The following NOP14 variants were observed in gnomAD, a reference collection of about 807,000 sequenced individuals.
NOP14 encodes NOP14 nucleolar protein, also known as nucleolar protein 14.
A neutral mutation model predicts 101.6 loss-of-function variants in NOP14; 57 were observed. The ratio of observed to expected loss-of-function variants is 0.56; its 90% CI spans 0.45 to 0.70. The LOEUF (loss-of-function observed/expected upper bound fraction) is 0.70. Ranked by LOEUF, NOP14 falls within the 30% of genes least tolerant of loss-of-function variation. NOP14 has a pLI of 0.00. For missense variants in NOP14, 1,134 were observed against 1,075.5 expected (o/e 1.05, Z -0.76); for synonymous variants, 428 against 424.0 (o/e 1.01, Z -0.12).
intron 17 of NOP14, 109 bp downstream of exon 17, chr4:2,939,079 G>C (rs1261938564): frequency 1.9e-6 from 3 of 1,543,054 alleles, no homozygotes; most frequent in African/African-American, 2.7e-5. Context: ...CCAACCCCCA[G>C]CCAGAGCCAA....
At chr4:2,953,408 A>G (rs1715152789) in intron 5 of NOP14, 103 bp downstream of exon 5, 2 of 1,285,442 alleles carry the variant, frequency 1.6e-6, no homozygotes, top group African/African-American at 1.5e-5. Flanking sequence ...CTTGCCCTAA[A>G]GGAGACAGGT....
chr4:2,948,334 T>C lies in NOP14; in HGVS notation c.1357A>G (p.Arg453Gly). The change falls in exon 9 of 18, where the codon AGA becomes GGA. Residue 453 changes from arginine (R) to glycine (G), a missense_variant. Physicochemically the swap from Arg to Gly is moderately radical, Grantham distance 125. Transcript: ENST00000416614. ...CTCGGGTGGTTGCACTTCTGAATTC[T>C]CTCCACCACCAAAAGCTGCTCTTCC... ...SMEEQLLVVERIQKCNHPSLA... is the reference protein window; with the variant it reads ...SMEEQLLVVEGIQKCNHPSLA... 4 of 1,612,046 alleles carry C rather than the reference T, an allele frequency of 2.5e-6. No homozygotes were observed. Among genetic ancestry groups the C allele is most frequent in the Non-Finnish European group, 3.4e-6 (4 of 1,179,542 alleles).
At chr4:2,948,546 C>T (rs1714813842) in intron 8 of NOP14, 138 bp from the exon 9 acceptor site, 2 of 594,656 alleles carry the variant, frequency 3.4e-6, no homozygotes, top group Non-Finnish European at 5.0e-6. Context: ...CTTCCGCCTC[C>T]TGGGTTCAAG....
At chr4:2,959,524 T>C (rs562349754) in intron 1 of NOP14, among the ~76,000 whole-genome samples, 90 of 152,010 alleles carry the variant, frequency 5.9e-4, no homozygotes, top group South Asian at 4.6e-3. Flanking sequence ...ACCCGGGAAG[T>C]GGAGCTTGCA....
chr4:2,950,086 T>A lies in NOP14; in HGVS notation c.1130A>T (p.Asp377Val), dbSNP rs775973549. 291 of 1,614,034 alleles carry A rather than the reference T, an allele frequency of 1.8e-4. No homozygotes were observed. Among genetic ancestry groups the A allele is most frequent in the Non-Finnish European group, 2.4e-4 (281 of 1,180,014 alleles). The change falls in exon 8 of 18, where the codon GAT (aspartate) becomes GTT (valine). Residue 377 changes from aspartate (D) to valine (V), a missense_variant. Asp to Val is a radical substitution (Grantham distance 152). Coordinates refer to ENST00000416614, the MANE Select transcript of NOP14 (RefSeq NM_001291978.2). ...GEDTEESDSP[D>V]SHLDLESNVE... Reference sequence around the variant, plus strand: ...GTTGGATTCCAGGTCCAAGTGGCTATCTGGGCTGTCGCTCTCCTCTGTGTC... The same window carrying A: ...GTTGGATTCCAGGTCCAAGTGGCTAACTGGGCTGTCGCTCTCCTCTGTGTC...
intron 3 of NOP14, among the ~76,000 whole-genome samples, chr4:2,955,478 G>A (rs866749530): frequency 1.5e-5 from 2 of 129,998 alleles, no homozygotes; most frequent in Non-Finnish European, 1.6e-5. Flanking sequence ...TCACCTGCAC[G>A]CCACGGCGCC....
In NOP14 at chr4:2,939,442, C is replaced by T. The variant is rs1469491815; in HGVS notation, c.2318+85G>A. The T allele has an allele frequency of 2.5e-6, 4 of 1,596,540 alleles. No individual in the cohort carries two copies. The African/African-American group carries it at 5.4e-5, about 21-fold the overall frequency. On this transcript the variant is annotated intron_variant, in intron 16 of 17. Coordinates refer to ENST00000416614, the MANE Select transcript of NOP14 (RefSeq NM_001291978.2). The stretch of plus-strand genomic sequence containing the variant: ...TGGCTTCACTCCGTAGTCATCTGCT[C>T]AACTGCAGAACTGGCAGACGCCCCC...
In NOP14 at chr4:2,962,661, T is replaced by TAA. The variant is rs79391581; in HGVS notation, c.195+462_195+463dup. 2.7e-5 allele frequency among the ~76,000 whole-genome samples: 4 copies of TAA among 147,750 alleles called. No individual in the cohort carries two copies. The East Asian group carries it at 7.9e-4, about 29-fold the overall frequency. On this transcript the variant is annotated intron_variant, in intron 1 of 17. Coordinates refer to ENST00000416614, the MANE Select transcript of NOP14 (RefSeq NM_001291978.2). The stretch of plus-strand genomic sequence containing the variant: ...TAATGTATGTTCCTCAGTGAAAATT[T>TAA]AAAAAAAAAAAAGTTAAAAAAACTA...
chr4:2,947,182 G>T (rs1175958967), intron 10 of NOP14: 3 of 338,548 alleles, frequency 8.9e-6, no homozygotes, highest in Non-Finnish European at 1.6e-5. Flanking sequence ...GAGGGGCGGG[G>T]TGTCTACCGT....
rs565744290 is a variant in NOP14, at chr4:2,944,264, G to A, written c.1738-38C>T. On this transcript the variant is annotated intron_variant, in intron 12 of 17. Transcript: ENST00000416614. ...ATATGGGGGGTTACTGTCCTGGGACGATGTCATGCCATGCTAGGCCGACCA... is the reference window on the plus strand; with the variant it reads ...ATATGGGGGGTTACTGTCCTGGGACAATGTCATGCCATGCTAGGCCGACCA... The A allele has an allele frequency of 1.4e-5, 22 of 1,591,520 alleles. No homozygotes were observed. In the African/African-American group the frequency reaches 2.6e-4, roughly 19 times the overall value.
At position 2,960,883 on chromosome 4, in the gene NOP14, ATTATAT is replaced by A. The variant is rs1288164578; in HGVS notation, c.195+2236_195+2241del. Reference sequence around the variant, plus strand: ...ATATTAATATTATAATTACATTATTATTATATTATTATATCAATATTATATTAATAT... The same window carrying A: ...ATATTAATATTATAATTACATTATTATATTATATCAATATTATATTAATAT... On this transcript the variant is annotated intron_variant, in intron 1 of 17. Coordinates refer to ENST00000416614, the MANE Select transcript of NOP14 (RefSeq NM_001291978.2). Among the ~76,000 whole-genome samples the A allele has an allele frequency of 2.1e-4, 24 of 112,534 alleles. 1 individual carries two copies. Among genetic ancestry groups the A allele is most frequent in the Admixed American group, 4.9e-4 (5 of 10,164 alleles). 73.8% of individuals were successfully genotyped at this position (112,534 alleles called of 152,430 possible).
chr4:2,938,813 T>C lies in NOP14; in HGVS notation c.*18A>G. On this transcript the variant is annotated 3_prime_UTR_variant, in exon 18 of 18. Coordinates refer to ENST00000416614, the MANE Select transcript of NOP14 (RefSeq NM_001291978.2). ...GTGAGGTAATGTCCAGTTCCTTGCC[T>C]TATTTATAAAATGTAATTTATTTTT... is the stretch of plus-strand genomic sequence containing the variant. 1.3e-6 allele frequency: 2 copies of C among 1,598,664 alleles called. No individual in the cohort carries two copies. Among genetic ancestry groups the C allele is most frequent in the South Asian group, 2.2e-5 (2 of 90,612 alleles).
chr4:2,951,761 T>G (rs1468997986), intron 6 of NOP14, among the ~76,000 whole-genome samples: 2 of 151,988 alleles, frequency 1.3e-5, no homozygotes, highest in Non-Finnish European at 2.9e-5. Flanking sequence ...ACCAGGAGTT[T>G]GAGAACAGCC....
intron 14 of NOP14, 156 bp from the exon 15 acceptor site, chr4:2,941,885 CA>C: frequency 1.2e-6 from 1 of 853,036 alleles, no homozygotes; most frequent in Non-Finnish European, 1.8e-6. Flanking sequence ...CAACCACGGG[CA>C]AGGCAGGCTC....
chr4:2,959,360 A>C (rs563156899), intron 1 of NOP14, among the ~76,000 whole-genome samples: 1 of 152,200 alleles, frequency 6.6e-6, no homozygotes, highest in Non-Finnish European at 1.5e-5. Context: ...TGGGAGGCCA[A>C]GGCGGGCGGA....
chr4:2,953,040 A>C (rs1050215769), intron 5 of NOP14, among the ~76,000 whole-genome samples: 3 of 152,280 alleles, frequency 2.0e-5, no homozygotes, highest in African/African-American at 7.2e-5. Context: ...AAAGATGCAC[A>C]GATGACCACA....
Position 2,939,362 on chromosome 4 carries a change from T to C in NOP14, c.2319-19A>G, listed in dbSNP as rs765302219. ...CTCGAGGCTACAACCAGAAAGCCACTGTTAAGGAAGCAAGAGTCTGTCCCC... is the reference window on the plus strand; with the variant it reads ...CTCGAGGCTACAACCAGAAAGCCACCGTTAAGGAAGCAAGAGTCTGTCCCC... On this transcript the variant is annotated intron_variant, in intron 16 of 17. Coordinates refer to ENST00000416614, the MANE Select transcript of NOP14 (RefSeq NM_001291978.2). The C allele has an allele frequency of 2.5e-6, 4 of 1,613,972 alleles. No homozygotes were observed. The highest frequency in any genetic ancestry group is 1.7e-5 in the Admixed American group (1 of 60,018).
At chr4:2,958,734 C>G (rs544274622) in intron 1 of NOP14, among the ~76,000 whole-genome samples, 52 of 152,284 alleles carry the variant, frequency 3.4e-4, no homozygotes, top group African/African-American at 1.3e-3. Flanking sequence ...CGTGTGGTGA[C>G]TTGGTCACTG....
At chr4:2,944,602 T>C (rs975172969) in intron 12 of NOP14, among the ~76,000 whole-genome samples, 1 of 152,176 alleles carries the variant, frequency 6.6e-6, no homozygotes, top group Non-Finnish European at 1.5e-5. Context: ...AGACGGGGTT[T>C]CGCCATGTTG....
Sources: allele counts gnomAD v4.1 joint callset (sites outside exome capture counted in the v4.1 genomes callset), GRCh38; gene constraint gnomAD v4.1.1; transcripts MANE v1.5; gene names NCBI Gene and HGNC (gene_info 2026-07-23, HGNC 2026-07-21).